The following DDRGK1 variants were observed in gnomAD, a reference collection of about 807,000 sequenced individuals.
DDRGK1 encodes the protein DDRGK domain-containing protein 1.
A neutral mutation model predicts 45.8 loss-of-function variants in DDRGK1; 38 were observed. The ratio of observed to expected loss-of-function variants is 0.83; its 90% CI spans 0.64 to 1.09. DDRGK1 has a LOEUF of 1.09. DDRGK1 is among the 50% of genes least tolerant of loss of function. The pLI, the probability that DDRGK1 is intolerant of heterozygous loss-of-function variation, is 0.00. For missense variants in DDRGK1, 403 were observed against 419.9 expected (o/e 0.96, Z 0.35); for synonymous variants, 171 against 168.7 (o/e 1.01, Z -0.11).
At chr20:3,198,370 C>T (rs2067020819) in intron 4 of DDRGK1, among the ~76,000 whole-genome samples, 1 of 146,250 alleles carries the variant, frequency 6.8e-6, no homozygotes, top group East Asian at 2.0e-4. Flanking sequence ...TGCCACTGCA[C>T]TCCAGCCTGG....
At position 3,190,747 on chromosome 20, in the gene DDRGK1, C is replaced by A. The variant is rs761471905; in HGVS notation, c.851G>T (p.Arg284Leu). 4 of 1,614,144 alleles carry A rather than the reference C, an allele frequency of 2.5e-6. No individual in the cohort carries two copies. Among genetic ancestry groups the A allele is most frequent in the East Asian group, 2.2e-5 (1 of 44,878 alleles). Residue 284 changes from arginine to leucine, a missense_variant, in exon 9 of 9, where the codon CGA becomes CTA. Coordinates refer to ENST00000354488, the MANE Select transcript of DDRGK1 (RefSeq NM_023935.3). ...EELAAVANFI[R>L]QRGRVSIAEL... ...GGCGATGGACACCCGGCCCCGCTGT[C>A]GGATGAAGTTGGCCACGGCGGCCAG...
intron 2 of DDRGK1, among the ~76,000 whole-genome samples, 164 bp from the exon 3 acceptor site, chr20:3,200,618 T>G (rs1439984699): frequency 2.6e-5 from 4 of 151,884 alleles, no homozygotes; most frequent in African/African-American, 9.7e-5. Flanking sequence ...CATGAGTGCG[T>G]GTGTGTGTGT....
chr20:3,197,678 C>T (rs2067017457), intron 4 of DDRGK1, among the ~76,000 whole-genome samples: 2 of 152,036 alleles, frequency 1.3e-5, no homozygotes, highest in Admixed American at 6.6e-5. Flanking sequence ...ACATGTAATC[C>T]CAGCACTTTG....
chr20:3,198,569 A>C (rs1014483634), intron 4 of DDRGK1, among the ~76,000 whole-genome samples: 1 of 148,888 alleles, frequency 6.7e-6, no homozygotes, highest in Admixed American at 6.7e-5. Flanking sequence ...GCGTGGTGGC[A>C]CATGCCTGTA....
chr20:3,203,734 G>A (rs1189086057), intron 1 of DDRGK1, among the ~76,000 whole-genome samples: 2 of 152,190 alleles, frequency 1.3e-5, no homozygotes, highest in Non-Finnish European at 1.5e-5. Flanking sequence ...GGAATCCACT[G>A]ATTTCTCGCC....
At chr20:3,191,593 TC>T (rs1001412470) in intron 7 of DDRGK1, 171 bp downstream of exon 7, 60 of 842,316 alleles carry the variant, frequency 7.1e-5, no homozygotes, top group Non-Finnish European at 1.1e-4. Context: ...TGCCTGTTCG[TC>T]CATTAAAAAT....
intron 4 of DDRGK1, among the ~76,000 whole-genome samples, 189 bp from the exon 5 acceptor site, chr20:3,195,542 G>A (rs1196375847): frequency 2.6e-5 from 4 of 151,880 alleles, no homozygotes; most frequent in Non-Finnish European, 4.4e-5. Flanking sequence ...TCTTGTCATC[G>A]GTTTCATCAT....
At position 3,191,828 on chromosome 20, in the gene DDRGK1, AAAG is replaced by A. The variant is rs765252316; in HGVS notation, c.673-10_673-8del. 47 of 1,606,066 alleles carry A rather than the reference AAAG, an allele frequency of 2.9e-5. No individual in the cohort carries two copies. The highest frequency in any genetic ancestry group is 3.8e-5 in the Non-Finnish European group (45 of 1,176,402). ...AGAGCACAACCTTGGACTGCTACAA[AAAG>A]AAGGAGGAAAAGAAAGAGAGGCTGA... On this transcript the variant is annotated splice_region_variant and splice_polypyrimidine_tract_variant and intron_variant, in intron 6 of 8. Coordinates refer to ENST00000354488, the MANE Select transcript of DDRGK1 (RefSeq NM_023935.3).
At chr20:3,203,544 T>C (rs143561946) in intron 1 of DDRGK1, 128 bp from the exon 2 acceptor site, 26,349 of 1,290,964 alleles carry the variant, frequency 0.02, 339 homozygotes, top group Non-Finnish European at 0.022. Context: ...AGGCCCCGAC[T>C]TCTCAGTCTG....
chr20:3,195,674 T>A (rs968401484), intron 4 of DDRGK1, among the ~76,000 whole-genome samples: 1 of 151,798 alleles, frequency 6.6e-6, no homozygotes, highest in African/African-American at 2.4e-5. Context: ...ACCTGCCCCA[T>A]CCTCTCCTTG....
At chr20:3,203,765 T>C (rs1010547031) in intron 1 of DDRGK1, among the ~76,000 whole-genome samples, 2 of 152,222 alleles carry the variant, frequency 1.3e-5, no homozygotes, top group Admixed American at 6.5e-5. Context: ...TGTGGTTTTA[T>C]CTGGCTCCCC....
At chr20:3,204,434 C>T in intron 1 of DDRGK1, 103 bp downstream of exon 1, 1 of 1,228,068 alleles carries the variant, frequency 8.1e-7, no homozygotes, top group Non-Finnish European at 1.1e-6. Flanking sequence ...GCGTCCCGCC[C>T]GCCCAGGTGC....
intron 2 of DDRGK1, 24 bp from the exon 3 acceptor site, chr20:3,200,478 G>GT: frequency 6.4e-7 from 1 of 1,551,222 alleles, no homozygotes. Flanking sequence ...AAGAAAGACA[G>GT]TTCAGGTTCT....
chr20:3,191,934 A>G (rs1371121456), intron 6 of DDRGK1, 113 bp from the exon 7 acceptor site: 1 of 920,488 alleles, frequency 1.1e-6, no homozygotes, highest in African/African-American at 1.7e-5. Flanking sequence ...GGCTGGAAAA[A>G]CACTGTACAC....
chr20:3,203,512 G>C (rs2067051371), intron 1 of DDRGK1, 96 bp from the exon 2 acceptor site: 2 of 1,406,358 alleles, frequency 1.4e-6, no homozygotes, highest in Admixed American at 3.2e-5. Context: ...CCTCTGCTTA[G>C]CGGCCTGCTG....
intron 7 of DDRGK1, 81 bp downstream of exon 7, chr20:3,191,684 T>TCGC (rs1318040421): frequency 6.8e-7 from 1 of 1,473,824 alleles, no homozygotes; most frequent in African/African-American, 1.4e-5. Context: ...GCATCAAGAC[T>TCGC]CTATCTTTAG....
chr20:3,203,485 G>A lies in DDRGK1; in HGVS notation c.92-69C>T. 3 of 1,438,672 alleles carry A rather than the reference G, an allele frequency of 2.1e-6. No homozygotes were observed. In the South Asian group the frequency reaches 4.5e-5, roughly 22 times the overall value. 89.1% of individuals were successfully genotyped at this position (1,438,672 alleles called of 1,614,324 possible). On this transcript the variant is annotated intron_variant, in intron 1 of 8. Transcript: ENST00000354488. The stretch of plus-strand genomic sequence containing the variant: ...CCGGCCCATGGCAGGAGGAGCGGCA[G>A]CCCGGAAGCCTCACCTCCTCTGCTT...
intron 6 of DDRGK1, among the ~76,000 whole-genome samples, chr20:3,193,361 C>A (rs1175393728): frequency 1.3e-5 from 2 of 152,164 alleles, no homozygotes; most frequent in African/African-American, 2.4e-5. Flanking sequence ...CCAGCACAGG[C>A]TGGAAAAACT....
At chr20:3,197,403 A>T (rs1361944120) in intron 4 of DDRGK1, among the ~76,000 whole-genome samples, 1 of 152,176 alleles carries the variant, frequency 6.6e-6, no homozygotes, top group East Asian at 1.9e-4. Context: ...GGAAAAAAAC[A>T]GTCACATTAC....
Sources: allele counts gnomAD v4.1 joint callset (sites outside exome capture counted in the v4.1 genomes callset), GRCh38; gene constraint gnomAD v4.1.1; transcripts MANE v1.5; gene names NCBI Gene and HGNC (gene_info 2026-07-23, HGNC 2026-07-21).